Variants in RSPO2 observed in about 807,000 individuals in gnomAD.
The protein encoded by RSPO2 is R-spondin 2, also known as R-spondin-2.
RSPO2 carries 14 observed loss-of-function variants against 30.9 expected under a neutral mutation model. The observed-to-expected ratio is 0.45, with a 90% CI of 0.30 to 0.71. The LOEUF is 0.71. Ranked by LOEUF, RSPO2 falls within the 30% of genes least tolerant of loss-of-function variation. RSPO2 has a pLI of 0.08. For missense variants in RSPO2, 264 were observed against 301.9 expected, an observed-to-expected ratio of 0.87 and a Z score of 0.93; for synonymous variants, 107 against 96.4, an observed-to-expected ratio of 1.11 and a Z score of -0.64.
At chr8:107,916,657 G>A (rs1397100067) in intron 5 of RSPO2, among the ~76,000 whole-genome samples, 1 of 152,158 alleles carries the variant, frequency 6.6e-6, no homozygotes, top group Non-Finnish European at 1.5e-5. Context: ...CAAAACTGAA[G>A]ACTTAAGCAA....
intron 4 of RSPO2, among the ~76,000 whole-genome samples, 154 bp from the exon 5 acceptor site, chr8:107,958,422 T>G (rs945938381): frequency 6.6e-6 from 1 of 152,136 alleles, no homozygotes; most frequent in Non-Finnish European, 1.5e-5. Flanking sequence ...AGACCTATAC[T>G]CACCTTTTGG....
At chr8:107,910,195 C>A (rs1257561036) in intron 5 of RSPO2, among the ~76,000 whole-genome samples, 1 of 152,132 alleles carries the variant, frequency 6.6e-6, no homozygotes, top group Admixed American at 6.5e-5. Context: ...AGATGTAATA[C>A]CTTCCTCTTG....
At chr8:107,974,151 C>T (rs1362463259) in intron 3 of RSPO2, among the ~76,000 whole-genome samples, 1 of 152,000 alleles carries the variant, frequency 6.6e-6, no homozygotes, top group African/African-American at 2.4e-5. Flanking sequence ...GGTCCCAGAA[C>T]TGATCCTCTG....
chr8:108,023,059 G>A (rs1811105057), intron 2 of RSPO2, among the ~76,000 whole-genome samples: 1 of 152,034 alleles, frequency 6.6e-6, no homozygotes, highest in African/African-American at 2.4e-5. Context: ...TGTATTACAA[G>A]TGTAACTAAA....
At chr8:108,020,520 G>A (rs1170406016) in intron 2 of RSPO2, among the ~76,000 whole-genome samples, 1 of 152,148 alleles carries the variant, frequency 6.6e-6, no homozygotes, top group Non-Finnish European at 1.5e-5. Context: ...TCTCAAACTC[G>A]AGTTTGTTTC....
chr8:107,924,273 A>G (rs183360795), intron 5 of RSPO2, among the ~76,000 whole-genome samples: 36 of 152,204 alleles, frequency 2.4e-4, no homozygotes, highest in Non-Finnish European at 7.4e-5. Context: ...GGAGGGAGAC[A>G]TGAACATATG....
intron 5 of RSPO2, among the ~76,000 whole-genome samples, chr8:107,932,045 T>C (rs1041199453): frequency 6.6e-6 from 1 of 152,212 alleles, no homozygotes; most frequent in African/African-American, 2.4e-5. Flanking sequence ...ATGCTTAAGA[T>C]CTTGGCAACA....
intron 5 of RSPO2, among the ~76,000 whole-genome samples, chr8:107,955,511 G>A (rs1332583504): frequency 1.3e-5 from 2 of 152,024 alleles, no homozygotes; most frequent in Non-Finnish European, 2.9e-5. Flanking sequence ...AATGAAGACT[G>A]AGTATTTCAA....
chr8:108,003,980 C>A lies in RSPO2; in HGVS notation c.95-14736G>T, dbSNP rs1251198046. ...GAACTTTCTTTCAAATTAGGCCATACCCTCATAATTCGTTCGCTGCTCCTT... is the reference window on the plus strand; with the variant it reads ...GAACTTTCTTTCAAATTAGGCCATAACCTCATAATTCGTTCGCTGCTCCTT... On this transcript the variant is annotated intron_variant, in intron 2 of 5. Transcript: ENST00000276659. Among the ~76,000 whole-genome samples, 23 of 152,272 alleles carry A rather than the reference C, an allele frequency of 1.5e-4. No individual in the cohort carries two copies. The South Asian group carries it at 3.9e-3, about 26-fold the overall frequency.
At chr8:107,918,227 A>T (rs763150910) in intron 5 of RSPO2, among the ~76,000 whole-genome samples, 4 of 152,152 alleles carry the variant, frequency 2.6e-5, no homozygotes, top group Non-Finnish European at 5.9e-5. Flanking sequence ...AGTAAAATAT[A>T]CTCCTATGAA....
intron 2 of RSPO2, among the ~76,000 whole-genome samples, chr8:108,057,932 T>C (rs1309129349): frequency 2.0e-5 from 3 of 152,220 alleles, no homozygotes; most frequent in Non-Finnish European, 4.4e-5. Context: ...CAGGGACAAT[T>C]TGACTTCCTC....
chr8:107,950,440 C>T (rs1343480443), intron 5 of RSPO2, among the ~76,000 whole-genome samples: 1 of 151,444 alleles, frequency 6.6e-6, no homozygotes, highest in East Asian at 1.9e-4. Context: ...CGGGCCTGAG[C>T]TCTTATTCTA....
intron 2 of RSPO2, among the ~76,000 whole-genome samples, chr8:108,035,532 G>A (rs539179387): frequency 6.6e-6 from 1 of 151,990 alleles, no homozygotes; most frequent in Non-Finnish European, 1.5e-5. Context: ...GTGCAGTGGC[G>A]CGATCTTGGC....
intron 2 of RSPO2, among the ~76,000 whole-genome samples, chr8:108,072,052 A>G (rs921316981): frequency 2.0e-5 from 3 of 152,164 alleles, no homozygotes; most frequent in Non-Finnish European, 4.4e-5. Context: ...TTTGGGGGTG[A>G]GCAGATGATA....
chr8:108,077,668 TAATA>T (rs888787378), intron 2 of RSPO2, among the ~76,000 whole-genome samples: 1 of 152,178 alleles, frequency 6.6e-6, no homozygotes, highest in Admixed American at 6.5e-5. Context: ...ATACCTTCCC[TAATA>T]TATATAAATA....
At chr8:107,997,044 A>C in intron 2 of RSPO2, 1 of 295,478 alleles carries the variant, frequency 3.4e-6, no homozygotes. Flanking sequence ...GATGCTGCTC[A>C]GTGCTGAAGG....
intron 2 of RSPO2, among the ~76,000 whole-genome samples, chr8:108,060,549 T>C (rs1385127343): frequency 6.6e-6 from 1 of 151,946 alleles, no homozygotes; most frequent in South Asian, 2.1e-4. Context: ...AGACCAAATC[T>C]ACGTCCGATT....
At chr8:107,977,619 G>A (rs183173530) in intron 3 of RSPO2, among the ~76,000 whole-genome samples, 258 of 152,258 alleles carry the variant, frequency 1.7e-3, no homozygotes, top group African/African-American at 6.1e-3. Context: ...GAGAGAGACA[G>A]ACACCTACGT....
intron 5 of RSPO2, among the ~76,000 whole-genome samples, chr8:107,934,468 G>A (rs1342704457): frequency 6.6e-6 from 1 of 151,610 alleles, no homozygotes; most frequent in African/African-American, 2.4e-5. Flanking sequence ...CGCCTCCCAG[G>A]TTCAAGCCGT....
Sources: allele counts gnomAD v4.1 joint callset (sites outside exome capture counted in the v4.1 genomes callset), GRCh38; gene constraint gnomAD v4.1.1; transcripts MANE v1.5; gene names NCBI Gene and HGNC (gene_info 2026-07-23, HGNC 2026-07-21).